XKR6: variants seen among roughly 807,000 people sequenced by gnomAD.
The protein encoded by XKR6 is XK related 6, also known as XK-related protein 6.
A neutral mutation model predicts 56.7 loss-of-function variants in XKR6; 22 were observed. That is an observed-to-expected ratio of 0.39 (90% confidence interval 0.28 to 0.55). The LOEUF is 0.55. XKR6 is among the 20% of genes least tolerant of loss of function. XKR6 has a pLI of 0.66. For synonymous variants in XKR6, 524 were observed against 387.8 expected (o/e 1.35, Z -4.13); for missense variants, 852 against 889.0 (o/e 0.96, Z 0.53).
chr8:10,976,645 A>T (rs1802571055), intron 1 of XKR6, among the ~76,000 whole-genome samples: 1 of 152,176 alleles, frequency 6.6e-6, no homozygotes, highest in Non-Finnish European at 1.5e-5. Flanking sequence ...AAAGTCCGTG[A>T]TCCAGGAAGA....
chr8:11,201,179 A>G lies in XKR6; in HGVS notation c.161T>C (p.Met54Thr). The change falls in exon 1 of 3, where the codon ATG becomes ACG. Residue 54 changes from methionine to threonine, a missense_variant. Met to Thr is a moderately conservative substitution (Grantham distance 81, BLOSUM62 -1). Coordinates refer to ENST00000416569, the MANE Select transcript of XKR6 (RefSeq NM_173683.4). ...DGSEPGESSS[M>T]HICHCCNTSS... ...GGTGTTGCAGCAGTGGCAGATGTGC[A>G]TCGAGCTGCTCTCGCCGGGCTCGCT... is the stretch of plus-strand genomic sequence containing the variant. The G allele has an allele frequency of 6.5e-7, 1 of 1,527,314 alleles. No homozygotes were observed. Among genetic ancestry groups the G allele is most frequent in the Non-Finnish European group, 8.7e-7 (1 of 1,143,800 alleles). The allele number at this position is 1,527,314 out of a possible 1,614,324, so 94.6% of individuals were successfully genotyped here.
intron 1 of XKR6, among the ~76,000 whole-genome samples, chr8:11,086,150 T>TATA (rs1439777662): frequency 1.3e-3 from 142 of 112,750 alleles, no homozygotes; most frequent in African/African-American, 6.0e-3. Context: ...ATATATATAT[T>TATA]TTTTTTTAAA....
chr8:11,177,970 G>T (rs1029924757), intron 1 of XKR6, among the ~76,000 whole-genome samples: 1 of 152,174 alleles, frequency 6.6e-6, no homozygotes, highest in Non-Finnish European at 1.5e-5. Context: ...TGAAGTCTGA[G>T]GTCCTTCTCC....
At chr8:11,071,248 A>G (rs970174640) in intron 1 of XKR6, among the ~76,000 whole-genome samples, 3 of 152,072 alleles carry the variant, frequency 2.0e-5, no homozygotes, top group Non-Finnish European at 2.9e-5. Flanking sequence ...GAAGAAAAAA[A>G]TTTCTTTTCA....
intron 1 of XKR6, among the ~76,000 whole-genome samples, chr8:11,193,815 T>TA (rs1026223831): frequency 3.5e-5 from 5 of 141,136 alleles, no homozygotes; most frequent in Non-Finnish European, 7.5e-5. Flanking sequence ...CTTAAACAGA[T>TA]ACGCATATAT....
At chr8:11,077,945 G>A (rs1220174804) in intron 1 of XKR6, among the ~76,000 whole-genome samples, 9 of 152,126 alleles carry the variant, frequency 5.9e-5, no homozygotes, top group Non-Finnish European at 1.0e-4. Flanking sequence ...TGGCCGCCGG[G>A]CTGGCCCTGC....
chr8:10,950,434 C>A (rs1442848259), intron 1 of XKR6, among the ~76,000 whole-genome samples: 2 of 152,164 alleles, frequency 1.3e-5, no homozygotes, highest in East Asian at 3.9e-4. Context: ...GATCACGGGT[C>A]CAGGCCTTTC....
At chr8:11,073,764 G>A (rs1481923711) in intron 1 of XKR6, among the ~76,000 whole-genome samples, 1 of 152,206 alleles carries the variant, frequency 6.6e-6, no homozygotes, top group Non-Finnish European at 1.5e-5. Context: ...AGCTTGTTCT[G>A]CTGGCCTTTG....
chr8:11,124,467 C>G (rs1799654847), intron 1 of XKR6: 1 of 166,310 alleles, frequency 6.0e-6, no homozygotes, highest in African/African-American at 2.4e-5. Flanking sequence ...GCTGAAAAAA[C>G]AATTATTACA....
At chr8:11,006,888 CAG>C (rs1367561217) in intron 1 of XKR6, among the ~76,000 whole-genome samples, 2 of 152,218 alleles carry the variant, frequency 1.3e-5, no homozygotes, top group African/African-American at 4.8e-5. Flanking sequence ...AGCTGCAACA[CAG>C]AGTGTAGATT....
Position 10,989,023 on chromosome 8 carries a change from G to A in XKR6, c.765-64193C>T, listed in dbSNP as rs559956040. Among the ~76,000 whole-genome samples the A allele has an allele frequency of 2.2e-4, 34 of 152,324 alleles. No homozygotes were observed. The Middle Eastern group carries it at 0.01, about 46-fold the overall frequency. On this transcript the variant is annotated intron_variant, in intron 1 of 2. Coordinates refer to ENST00000416569, the MANE Select transcript of XKR6 (RefSeq NM_173683.4). ...TTCCGTTCCAACAATCACTGAATAT[G>A]CCCATAGGCAAGCTACATGCTTATG...
chr8:11,192,859 G>A (rs1027531385), intron 1 of XKR6, among the ~76,000 whole-genome samples: 1 of 152,184 alleles, frequency 6.6e-6, no homozygotes, highest in Non-Finnish European at 1.5e-5. Flanking sequence ...GCTGAAGTGA[G>A]AAAGTCAGGC....
chr8:11,166,526 C>A (rs965379890), intron 1 of XKR6, among the ~76,000 whole-genome samples: 1 of 152,096 alleles, frequency 6.6e-6, no homozygotes, highest in African/African-American at 2.4e-5. Flanking sequence ...TTTCAAAAAT[C>A]TAATATTTAG....
intron 1 of XKR6, among the ~76,000 whole-genome samples, chr8:11,136,479 G>A (rs141152087): frequency 1.1e-4 from 17 of 150,474 alleles, no homozygotes; most frequent in East Asian, 5.8e-4. Context: ...ACTCCAGCCC[G>A]GGCAACAAAA....
intron 1 of XKR6, among the ~76,000 whole-genome samples, chr8:11,052,425 AT>A (rs1187304787): frequency 6.6e-6 from 1 of 152,166 alleles, no homozygotes; most frequent in East Asian, 1.9e-4. Context: ...AAACTCGAAG[AT>A]AGGAAATTTG....
intron 1 of XKR6, among the ~76,000 whole-genome samples, chr8:10,997,210 C>G (rs949692983): frequency 6.6e-6 from 1 of 152,148 alleles, no homozygotes. Context: ...CACAGAGCAC[C>G]AAGTTCATGC....
chr8:10,906,341 C>T (rs552837305), intron 2 of XKR6, among the ~76,000 whole-genome samples: 1 of 152,280 alleles, frequency 6.6e-6, no homozygotes, highest in South Asian at 2.1e-4. Flanking sequence ...GGTGTCTATG[C>T]AAATTAGAAG....
intron 1 of XKR6, among the ~76,000 whole-genome samples, chr8:11,194,071 G>A (rs1228567324): frequency 6.6e-6 from 1 of 152,122 alleles, no homozygotes; most frequent in Non-Finnish European, 1.5e-5. Context: ...ATCCATGGCA[G>A]GACTTAGAAC....
At chr8:11,094,552 G>A (rs1039042742) in intron 1 of XKR6, among the ~76,000 whole-genome samples, 3 of 152,248 alleles carry the variant, frequency 2.0e-5, no homozygotes, top group South Asian at 4.2e-4. Flanking sequence ...GAGGACCTCA[G>A]AAACAGAAAG....
Sources: allele counts gnomAD v4.1 joint callset (sites outside exome capture counted in the v4.1 genomes callset), GRCh38; gene constraint gnomAD v4.1.1; transcripts MANE v1.5; gene names NCBI Gene and HGNC (gene_info 2026-07-23, HGNC 2026-07-21).